SBF2: variants seen among roughly 807,000 people sequenced by gnomAD.
SBF2 encodes SET binding factor 2.
Under a neutral mutation model 225.2 loss-of-function variants are expected in SBF2, and 112 were observed. The observed-to-expected ratio is 0.50, with a 90% CI of 0.43 to 0.58. The LOEUF (loss-of-function observed/expected upper bound fraction) is 0.58. SBF2 is among the 20% of genes least tolerant of loss of function. The probability of loss-of-function intolerance (pLI) is 0.00; values close to 1 mark genes in which losing one functional copy is unlikely to be tolerated. For synonymous variants in SBF2, 763 were observed against 773.3 expected (o/e 0.99, Z 0.22); for missense variants, 1,996 against 2,206.2 (o/e 0.90, Z 1.91).
chr11:10,077,531 T>G (rs2134843803), intron 2 of SBF2, among the ~76,000 whole-genome samples: 1 of 152,252 alleles, frequency 6.6e-6, no homozygotes, highest in South Asian at 2.1e-4. Flanking sequence ...AAACAAGCAA[T>G]GGGGAAAGGA....
chr11:10,286,166 G>GCACACACACA (rs57445416), intron 1 of SBF2, among the ~76,000 whole-genome samples: 51 of 147,356 alleles, frequency 3.5e-4, no homozygotes, highest in African/African-American at 1.2e-3. Context: ...ACACGCACAC[G>GCACACACACA]CACACACACA....
chr11:9,983,495 C>T lies in SBF2; in HGVS notation c.1395+6002G>A, dbSNP rs1468847217. Among the ~76,000 whole-genome samples, 3 of 152,154 alleles carry T rather than the reference C, an allele frequency of 2.0e-5. No homozygotes were observed. In the South Asian group the frequency reaches 6.2e-4, roughly 32 times the overall value. On this transcript the variant is annotated intron_variant, in intron 13 of 39. Coordinates refer to ENST00000256190, the MANE Select transcript of SBF2 (RefSeq NM_030962.4). Reference sequence around the variant, plus strand: ...CAACCTGATGGTCCTTCCCTATCCACCCTGGTAGCAGAAGACAAAGGGCAT... The same window carrying T: ...CAACCTGATGGTCCTTCCCTATCCATCCTGGTAGCAGAAGACAAAGGGCAT...
intron 2 of SBF2, among the ~76,000 whole-genome samples, chr11:10,071,327 C>G (rs1409849455): frequency 7.4e-6 from 1 of 135,010 alleles, no homozygotes; most frequent in African/African-American, 2.8e-5. Flanking sequence ...AGTGTGGTGG[C>G]GTGATCTGAG....
intron 2 of SBF2, among the ~76,000 whole-genome samples, chr11:10,176,496 T>C (rs1956469929): frequency 6.6e-6 from 1 of 151,452 alleles, no homozygotes; most frequent in African/African-American, 2.4e-5. Context: ...CAATAAAAAA[T>C]GATAAAGGGG....
intron 2 of SBF2, among the ~76,000 whole-genome samples, chr11:10,116,540 T>C (rs1442203787): frequency 1.3e-5 from 2 of 152,204 alleles, no homozygotes; most frequent in Non-Finnish European, 2.9e-5. Flanking sequence ...TCATATTATT[T>C]CCCTGTTCAA....
intron 26 of SBF2, among the ~76,000 whole-genome samples, chr11:9,834,103 A>G (rs188564917): frequency 6.9e-6 from 1 of 144,868 alleles, no homozygotes; most frequent in East Asian, 2.1e-4. Flanking sequence ...TTTTTTATTT[A>G]TTTTTTGAGA....
chr11:9,956,684 G>A (rs892412567), intron 16 of SBF2: 1 of 151,710 alleles, frequency 6.6e-6, no homozygotes, highest in African/African-American at 2.4e-5. Flanking sequence ...TGTACTTGGC[G>A]ATTAGAAGTC....
intron 6 of SBF2, among the ~76,000 whole-genome samples, chr11:10,021,159 A>G (rs1400157904): frequency 6.6e-6 from 1 of 152,232 alleles, no homozygotes; most frequent in Non-Finnish European, 1.5e-5. Flanking sequence ...GTATACTGTG[A>G]AAACTGTTGG....
chr11:9,914,434 T>G (rs1270760235), intron 16 of SBF2, among the ~76,000 whole-genome samples: 1 of 152,198 alleles, frequency 6.6e-6, no homozygotes, highest in Non-Finnish European at 1.5e-5. Context: ...GGCAGTAGGA[T>G]GGAAGCAAAA....
intron 33 of SBF2, 116 bp downstream of exon 33, chr11:9,795,715 C>G: frequency 7.8e-7 from 1 of 1,289,210 alleles, no homozygotes; most frequent in Non-Finnish European, 1.1e-6. Flanking sequence ...ATTCATAGTT[C>G]AGAGTTAAAC....
chr11:10,142,567 C>T (rs543763586), intron 2 of SBF2, among the ~76,000 whole-genome samples: 9 of 152,310 alleles, frequency 5.9e-5, no homozygotes, highest in African/African-American at 1.9e-4. Flanking sequence ...CGTGAAGTCA[C>T]CATTCTCTAT....
intron 17 of SBF2, among the ~76,000 whole-genome samples, chr11:9,878,106 G>A (rs1859431270): frequency 1.3e-5 from 2 of 152,130 alleles, no homozygotes; most frequent in Non-Finnish European, 2.9e-5. Flanking sequence ...GCATGAGATG[G>A]TATCTCATTG....
chr11:9,896,037 G>A (rs758208872), intron 16 of SBF2, 26 bp from the exon 17 acceptor site: 9 of 1,565,224 alleles, frequency 5.7e-6, no homozygotes, highest in South Asian at 1.1e-5. Flanking sequence ...AGACAAAAGA[G>A]CATTAGGATA....
At chr11:10,129,388 C>G (rs1388261126) in intron 2 of SBF2, among the ~76,000 whole-genome samples, 1 of 152,118 alleles carries the variant, frequency 6.6e-6, no homozygotes, top group Non-Finnish European at 1.5e-5. Flanking sequence ...CAGGCATGAG[C>G]CACCGCGCCC....
chr11:10,123,329 T>C (rs1336981441), intron 2 of SBF2, among the ~76,000 whole-genome samples: 1 of 152,158 alleles, frequency 6.6e-6, no homozygotes, highest in Admixed American at 6.5e-5. Context: ...TTCCTCTAAG[T>C]AGTTTATTTA....
chr11:10,286,580 G>A (rs1362021708), intron 1 of SBF2, among the ~76,000 whole-genome samples: 3 of 151,900 alleles, frequency 2.0e-5, no homozygotes, highest in Non-Finnish European at 4.4e-5. Flanking sequence ...GGATGGTCTC[G>A]TTCTCCTGAC....
chr11:9,808,379 AT>A, intron 31 of SBF2, 194 bp from the exon 32 acceptor site: 1 of 618,892 alleles, frequency 1.6e-6, no homozygotes, highest in South Asian at 1.9e-5. Context: ...GCTCAAATTC[AT>A]TTTGGCTACA....
intron 2 of SBF2, among the ~76,000 whole-genome samples, chr11:10,156,092 C>G (rs1470396000): frequency 6.6e-6 from 1 of 152,226 alleles, no homozygotes; most frequent in Non-Finnish European, 1.5e-5. Context: ...AGGAAGCCCC[C>G]CCTATCCCCA....
intron 16 of SBF2, among the ~76,000 whole-genome samples, chr11:9,904,396 A>C (rs1436799184): frequency 6.6e-6 from 1 of 152,212 alleles, no homozygotes; most frequent in Non-Finnish European, 1.5e-5. Flanking sequence ...AATCTACCAG[A>C]AAGCTATAAC....
Sources: allele counts gnomAD v4.1 joint callset (sites outside exome capture counted in the v4.1 genomes callset), GRCh38; gene constraint gnomAD v4.1.1; transcripts MANE v1.5; gene names NCBI Gene and HGNC (gene_info 2026-07-23, HGNC 2026-07-21).